ASXL3: variants seen among roughly 807,000 people sequenced by gnomAD.
ASXL3 encodes the protein ASXL transcriptional regulator 3.
A neutral mutation model predicts 170.6 loss-of-function variants in ASXL3; 34 were observed. That is an observed-to-expected ratio of 0.20 (90% CI 0.15 to 0.27). The LOEUF is 0.27. Among genes scored for constraint, ASXL3 ranks in the 10% least tolerant of loss-of-function variants. The pLI is 1.00. For synonymous variants in ASXL3, 1,002 were observed against 989.1 expected, an observed-to-expected ratio of 1.01 and a Z score of -0.24; for missense variants, 2,592 against 2,695.3, an observed-to-expected ratio of 0.96 and a Z score of 0.85.
chr18:33,713,502 A>C (rs1298134242), intron 8 of ASXL3, among the ~76,000 whole-genome samples: 1 of 151,506 alleles, frequency 6.6e-6, no homozygotes, highest in African/African-American at 2.4e-5. Flanking sequence ...GTCCACCCCC[A>C]CCTCAGCCTC....
At chr18:33,693,587 C>A (rs1165557125) in intron 8 of ASXL3, among the ~76,000 whole-genome samples, 1 of 152,002 alleles carries the variant, frequency 6.6e-6, no homozygotes, top group Non-Finnish European at 1.5e-5. Flanking sequence ...AGTAAAAAGG[C>A]CGTGAAAAGT....
chr18:33,626,848 A>G (rs931160946), intron 2 of ASXL3: 7 of 152,892 alleles, frequency 4.6e-5, no homozygotes, highest in African/African-American at 1.7e-4. Flanking sequence ...ATACACATAT[A>G]TAATATTTTC....
In ASXL3 at chr18:33,744,964, C is replaced by A. The variant is rs2067749980; in HGVS notation, c.5116C>A (p.Gln1706Lys). ...GGGAGCCTCTAGTGTACAACAAACA[C>A]AGAACATGAAAGCTTCCACCTCAAG... ...AEGASSVQQT[Q>K]NMKASTSSPM... Residue 1706 changes from glutamine to lysine, a missense_variant, in exon 12 of 12, where the codon CAG becomes AAG. Coordinates refer to ENST00000269197, the MANE Select transcript of ASXL3 (RefSeq NM_030632.3). 6.2e-7 allele frequency: 1 copy of A among 1,614,006 alleles called. No homozygotes were observed. The highest frequency in any genetic ancestry group is 1.3e-5 in the African/African-American group (1 of 75,056).
chr18:33,729,041 C>T (rs552916880), intron 8 of ASXL3, among the ~76,000 whole-genome samples: 1 of 152,236 alleles, frequency 6.6e-6, no homozygotes, highest in South Asian at 2.1e-4. Context: ...CTGGGCTGCT[C>T]CCATGTAGAG....
At chr18:33,651,325 A>G (rs562981479) in intron 4 of ASXL3, among the ~76,000 whole-genome samples, 1 of 152,214 alleles carries the variant, frequency 6.6e-6, no homozygotes, top group Non-Finnish European at 1.5e-5. Flanking sequence ...GTTAGAATGG[A>G]TATACTTTCC....
intron 7 of ASXL3, among the ~76,000 whole-genome samples, chr18:33,676,949 G>T (rs1442351714): frequency 6.6e-6 from 1 of 152,098 alleles, no homozygotes; most frequent in Non-Finnish European, 1.5e-5. Flanking sequence ...TCTACATCTT[G>T]ATATCTTACA....
At chr18:33,651,413 T>G (rs1303253852) in intron 4 of ASXL3, among the ~76,000 whole-genome samples, 1 of 151,848 alleles carries the variant, frequency 6.6e-6, no homozygotes, top group Non-Finnish European at 1.5e-5. Context: ...TGGATGTGTG[T>G]GTGTGAGGGA....
intron 2 of ASXL3, among the ~76,000 whole-genome samples, chr18:33,639,267 A>T (rs185978136): frequency 6.0e-4 from 91 of 152,224 alleles, no homozygotes; most frequent in African/African-American, 2.2e-3. Flanking sequence ...CACATTTTAG[A>T]GTCAAGGGAC....
Position 33,740,105 on chromosome 18 carries a change from A to G in ASXL3, c.2701A>G (p.Lys901Glu), listed in dbSNP as rs183887664. The G allele has an allele frequency of 1.9e-4, 303 of 1,613,962 alleles. No homozygotes were observed. Among genetic ancestry groups the G allele is most frequent in the Non-Finnish European group, 1.5e-5 (18 of 1,179,874 alleles). ...TAAGGGAAATGAGCTTCCATCTGCT[A>G]AATTACAGGACAAGCAATATATCTC... ...DNKGNELPSA[K>E]LQDKQYISSV... The change falls in exon 11 of 12, where the codon AAA (lysine) becomes GAA (glutamate). Residue 901 changes from lysine to glutamate, a missense_variant. Transcript: ENST00000269197.
rs1209874961 is a variant in ASXL3, at chr18:33,745,229, G to A, written c.5381G>A (p.Arg1794Lys). ...TCAGTGGGTAAAACAGCACCAGAGA[G>A]AAACGTTGAAATTCCGCCCAGCTCT... ...TTSVGKTAPE[R>K]NVEIPPSSPN... Residue 1794 changes from arginine to lysine, a missense_variant, in exon 12 of 12, where the codon AGA becomes AAA. By Grantham distance (26) the Arg-to-Lys change is conservative. Coordinates refer to ENST00000269197, the MANE Select transcript of ASXL3 (RefSeq NM_030632.3). 7.4e-6 allele frequency: 12 copies of A among 1,614,040 alleles called. No homozygotes were observed. Among genetic ancestry groups the A allele is most frequent in the Non-Finnish European group, 1.0e-5 (12 of 1,179,902 alleles).
At chr18:33,614,325 A>C (rs191055159) in intron 2 of ASXL3, 2 of 152,290 alleles carry the variant, frequency 1.3e-5, no homozygotes, top group African/African-American at 4.8e-5. Context: ...TTCATTACAT[A>C]TCTATAAGAA....
intron 8 of ASXL3, 77 bp downstream of exon 8, chr18:33,683,645 G>A (rs764200554): frequency 7.3e-7 from 1 of 1,371,568 alleles, no homozygotes; most frequent in Admixed American, 2.4e-5. Context: ...TATCAAAGAT[G>A]ACTTATATAT....
At chr18:33,647,854 A>G (rs980845242) in intron 4 of ASXL3, among the ~76,000 whole-genome samples, 1 of 152,064 alleles carries the variant, frequency 6.6e-6, no homozygotes, top group Non-Finnish European at 1.5e-5. Context: ...GGCAAAATAC[A>G]TAAGGGAGTG....
chr18:33,648,591 G>A (rs530051441), intron 4 of ASXL3, among the ~76,000 whole-genome samples: 7 of 152,126 alleles, frequency 4.6e-5, no homozygotes, highest in Non-Finnish European at 7.4e-5. Flanking sequence ...GAAAATTATG[G>A]GAAAGATCCT....
At chr18:33,593,660 C>T (rs969042655) in intron 1 of ASXL3, among the ~76,000 whole-genome samples, 8 of 152,268 alleles carry the variant, frequency 5.3e-5, no homozygotes, top group African/African-American at 1.7e-4. Flanking sequence ...ATTAAAACCT[C>T]AGAACCAGGA....
At chr18:33,598,009 G>C (rs2065146268) in intron 1 of ASXL3, among the ~76,000 whole-genome samples, 1 of 152,072 alleles carries the variant, frequency 6.6e-6, no homozygotes, top group Non-Finnish European at 1.5e-5. Context: ...TTGACTGATT[G>C]CTGCTCTTCA....
intron 8 of ASXL3, among the ~76,000 whole-genome samples, chr18:33,688,087 A>G (rs906412786): frequency 6.6e-6 from 1 of 152,320 alleles, no homozygotes. Context: ...ATTTCATGCA[A>G]AAGACCTAAG....
chr18:33,634,684 C>CA (rs2065738231), intron 2 of ASXL3, among the ~76,000 whole-genome samples: 1 of 152,106 alleles, frequency 6.6e-6, no homozygotes, highest in Non-Finnish European at 1.5e-5. Context: ...TTTATGCTCT[C>CA]ACTGGAGTAT....
intron 6 of ASXL3, 22 bp from the exon 7 acceptor site, chr18:33,671,723 CAT>C (rs1190876062): frequency 1.3e-6 from 2 of 1,572,990 alleles, no homozygotes; most frequent in Non-Finnish European, 1.7e-6. Context: ...AAGATAATGA[CAT>C]AATAACTATT....
Sources: gnomAD v4.1 joint callset for allele counts (sites outside exome capture counted in the v4.1 genomes callset) on GRCh38, gnomAD v4.1.1 for gene constraint, MANE v1.5 for transcripts, NCBI Gene and HGNC (gene_info 2026-07-23, HGNC 2026-07-21) for gene names.